The following FAM227B variants were observed in gnomAD, a reference collection of about 807,000 sequenced individuals.
The protein encoded by FAM227B is family with sequence similarity 227 member B, also known as protein FAM227B.
FAM227B carries 88 observed loss-of-function variants against 73.8 expected under a neutral mutation model. That is an observed-to-expected ratio of 1.19 (90% confidence interval 1.00 to 1.42). The LOEUF (loss-of-function observed/expected upper bound fraction) is 1.42. Among genes scored for constraint, FAM227B ranks in the 40% most tolerant of loss-of-function variants. FAM227B has a pLI of 0.00. For missense variants in FAM227B, 632 were observed against 590.9 expected, an observed-to-expected ratio of 1.07 and a Z score of -0.72; for synonymous variants, 210 against 190.5, an observed-to-expected ratio of 1.10 and a Z score of -0.84.
chr15:49,615,905 A>C (rs1356840984), intron 1 of FAM227B, among the ~76,000 whole-genome samples: 2 of 152,220 alleles, frequency 1.3e-5, no homozygotes, highest in African/African-American at 4.8e-5. Context: ...CTATCTTATA[A>C]TGTGAAGATT....
chr15:49,381,300 T>C (rs1418408995), intron 11 of FAM227B, among the ~76,000 whole-genome samples: 1 of 152,218 alleles, frequency 6.6e-6, no homozygotes, highest in Non-Finnish European at 1.5e-5. Context: ...GGGAAGGTTT[T>C]ATTTCCTAAA....
At chr15:49,515,638 A>G (rs2059325833) in intron 10 of FAM227B, among the ~76,000 whole-genome samples, 1 of 152,166 alleles carries the variant, frequency 6.6e-6, no homozygotes, top group Admixed American at 6.6e-5. Flanking sequence ...AAACTGACCA[A>G]ATCTAGTCTA....
chr15:49,414,202 A>G (rs1342452119), intron 11 of FAM227B, among the ~76,000 whole-genome samples: 1 of 152,152 alleles, frequency 6.6e-6, no homozygotes, highest in African/African-American at 2.4e-5. Flanking sequence ...ACTTTATTGC[A>G]TCATTAAAAA....
intron 9 of FAM227B, among the ~76,000 whole-genome samples, chr15:49,550,726 C>T (rs558822623): frequency 2.6e-4 from 39 of 151,866 alleles, no homozygotes; most frequent in South Asian, 1.3e-3. Flanking sequence ...GATGGGATGG[C>T]GACCGGGAAG....
chr15:49,554,226 G>A (rs551576488), intron 9 of FAM227B, among the ~76,000 whole-genome samples: 252 of 152,178 alleles, frequency 1.7e-3, no homozygotes, highest in African/African-American at 5.5e-3. Context: ...AGAAGGAAGG[G>A]GTCTCTTTCA....
At chr15:49,341,964 T>C (rs2040798946) in intron 13 of FAM227B, among the ~76,000 whole-genome samples, 1 of 152,230 alleles carries the variant, frequency 6.6e-6, no homozygotes, top group Non-Finnish European at 1.5e-5. Context: ...GTGGTTAATA[T>C]TAGAGCATGT....
intron 10 of FAM227B, among the ~76,000 whole-genome samples, chr15:49,520,827 C>A (rs1023996181): frequency 1.3e-5 from 2 of 151,844 alleles, no homozygotes; most frequent in African/African-American, 4.8e-5. Flanking sequence ...CCATATCAAA[C>A]CCCCAGGAAG....
chr15:49,419,240 T>A (rs1356022810), intron 11 of FAM227B, among the ~76,000 whole-genome samples: 1 of 152,194 alleles, frequency 6.6e-6, no homozygotes, highest in African/African-American at 2.4e-5. Flanking sequence ...CAGATAAATA[T>A]ACAAGCATGG....
intron 13 of FAM227B, among the ~76,000 whole-genome samples, chr15:49,362,032 C>T (rs2044330635): frequency 1.3e-5 from 2 of 152,092 alleles, no homozygotes; most frequent in Admixed American, 6.6e-5. Context: ...TTGTGGGTTA[C>T]GTGTATGTCT....
intron 11 of FAM227B, among the ~76,000 whole-genome samples, chr15:49,470,662 G>A (rs947075464): frequency 2.6e-5 from 4 of 152,136 alleles, no homozygotes; most frequent in Non-Finnish European, 4.4e-5. Context: ...CCTGGAAGTT[G>A]AAAAAATGGG....
At chr15:49,498,868 C>T (rs1208363359) in intron 11 of FAM227B, among the ~76,000 whole-genome samples, 1 of 152,096 alleles carries the variant, frequency 6.6e-6, no homozygotes, top group Non-Finnish European at 1.5e-5. Flanking sequence ...TCAAAAAGGA[C>T]AAAGAAGGGC....
Position 49,487,819 on chromosome 15 carries a change from T to C in FAM227B, c.1012+20392A>G, listed in dbSNP as rs2056530430. ...ATTTGTGGTTGCGTTAATATGACAA[T>C]GTCTGCAATTAAACACCAGTAAGCA... On this transcript the variant is annotated intron_variant, in intron 11 of 15. Coordinates refer to ENST00000299338, the MANE Select transcript of FAM227B (RefSeq NM_152647.3). 6 of 152,120 alleles carry C rather than the reference T, an allele frequency of 3.9e-5. No homozygotes were observed. In the South Asian group the frequency reaches 1.2e-3, roughly 31 times the overall value. The allele number at this position is 152,120 out of a possible 1,614,324, so 9.4% of individuals were successfully genotyped here.
intron 11 of FAM227B, among the ~76,000 whole-genome samples, chr15:49,449,439 C>T (rs1189062289): frequency 6.6e-6 from 1 of 151,932 alleles, no homozygotes; most frequent in East Asian, 1.9e-4. Context: ...TCAACCATTA[C>T]ACTTAAACAT....
At chr15:49,485,105 T>G (rs1163549731) in intron 11 of FAM227B, 1 of 152,140 alleles carries the variant, frequency 6.6e-6, no homozygotes, top group Non-Finnish European at 1.5e-5. Flanking sequence ...AAGTACAGGA[T>G]TAGAACATGC....
chr15:49,457,243 C>T (rs544730035), intron 11 of FAM227B, among the ~76,000 whole-genome samples: 6 of 151,886 alleles, frequency 4.0e-5, no homozygotes, highest in South Asian at 2.1e-4. Flanking sequence ...GAGAAGAGTT[C>T]GTTTAATACT....
At chr15:49,553,523 T>C (rs533155764) in intron 9 of FAM227B, among the ~76,000 whole-genome samples, 10 of 152,294 alleles carry the variant, frequency 6.6e-5, no homozygotes. Context: ...GGTGGCGAGG[T>C]TCCCCAGGCC....
intron 13 of FAM227B, chr15:49,364,991 C>T: frequency 2.4e-6 from 1 of 421,258 alleles, no homozygotes; most frequent in Non-Finnish European, 4.3e-6. Context: ...ACTGTCAGTA[C>T]CAGCTCATAA....
chr15:49,365,023 T>A, intron 13 of FAM227B: 1 of 494,122 alleles, frequency 2.0e-6, no homozygotes, highest in Non-Finnish European at 3.7e-6. Context: ...TGCAAACATA[T>A]CATTGAAGAC....
chr15:49,420,762 G>A (rs772596147), intron 11 of FAM227B, among the ~76,000 whole-genome samples: 1 of 152,190 alleles, frequency 6.6e-6, no homozygotes, highest in Non-Finnish European at 1.5e-5. Context: ...CTGGAGTGCA[G>A]TTGTGCGATC....
Sources: gnomAD v4.1 joint callset for allele counts (sites outside exome capture counted in the v4.1 genomes callset) on GRCh38, gnomAD v4.1.1 for gene constraint, MANE v1.5 for transcripts, NCBI Gene and HGNC (gene_info 2026-07-23, HGNC 2026-07-21) for gene names.